Variants in BRME1 observed in about 807,000 individuals in gnomAD.
BRME1 encodes the protein break repair meiotic recombinase recruitment factor 1.
BRME1 carries 31 observed loss-of-function variants against 52.6 expected under a neutral mutation model. The observed-to-expected ratio is 0.59, with a 90% confidence interval of 0.44 to 0.80. BRME1 has a LOEUF of 0.80. Ranked by LOEUF, BRME1 falls within the 30% of genes least tolerant of loss-of-function variation. BRME1 has a pLI of 0.00. For synonymous variants in BRME1, 359 were observed against 353.6 expected, an observed-to-expected ratio of 1.02 and a Z score of -0.17; for missense variants, 804 against 860.3, an observed-to-expected ratio of 0.93 and a Z score of 0.82.
At chr19:13,894,563 T>C (rs990151569) in intron 3 of BRME1, among the ~76,000 whole-genome samples, 4 of 152,064 alleles carry the variant, frequency 2.6e-5, no homozygotes, top group African/African-American at 4.8e-5. Context: ...GTATATCGTT[T>C]TGTTTTGGCT....
At chr19:13,886,098 G>T in intron 6 of BRME1, 43 bp from the exon 7 acceptor site, 1 of 1,561,492 alleles carries the variant, frequency 6.4e-7, no homozygotes, top group Non-Finnish European at 8.8e-7. Context: ...GGCCTGGGTC[G>T]GGCAAGCTCT....
At position 13,883,354 on chromosome 19, in the gene BRME1, C is replaced by T. The variant is rs760462674; in HGVS notation, c.1810G>A (p.Ala604Thr). The change falls in exon 8 of 9, where the codon GCC becomes ACC. Residue 604 changes from alanine to threonine, a missense_variant. By Grantham distance (58) the Ala-to-Thr change is moderately conservative. Coordinates refer to ENST00000586783, the MANE Select transcript of BRME1 (RefSeq NM_001345843.2). The surrounding 1 kb of genome is among the most constrained non-coding windows in gnomAD (Gnocchi z 4.2). The stretch of plus-strand genomic sequence containing the variant: ...ATGAGGCCACGCACGACGTTGGTGG[C>T]ATCCTCCATCCTGGAGGCCTCAGAG... Reference protein sequence around the residue: ...QASEASRMEDATNVVRGLIVE... With the variant: ...QASEASRMEDTTNVVRGLIVE... 1 of 1,535,432 alleles carries T rather than the reference C, an allele frequency of 6.5e-7. No homozygotes were observed.
chr19:13,896,785 G>A (rs1181897398), intron 2 of BRME1, among the ~76,000 whole-genome samples: 1 of 151,532 alleles, frequency 6.6e-6, no homozygotes, highest in East Asian at 1.9e-4. Flanking sequence ...TGACCTCATA[G>A]GCTCAAGCCA....
rs779495894 is a variant in BRME1 at position 13,890,006 on chromosome 19, G to A, written c.850C>T (p.Pro284Ser). The A allele has an allele frequency of 1.2e-6, 2 of 1,613,208 alleles. No homozygotes were observed. The highest frequency in any genetic ancestry group is 1.3e-5 in the African/African-American group (1 of 75,074). Residue 284 changes from proline to serine, a missense_variant, in exon 6 of 9, where the codon CCT becomes TCT. Pro to Ser is a moderately conservative substitution (Grantham distance 74). This residue lies in a region of BRME1 where 552 missense variants were observed against 561.1 expected (regional missense o/e 0.98). Coordinates refer to ENST00000586783, the MANE Select transcript of BRME1 (RefSeq NM_001345843.2). Reference protein sequence around the residue: ...DGVPCTPASAPTSGPAPGLGP... With the variant: ...DGVPCTPASASTSGPAPGLGP... The stretch of plus-strand genomic sequence containing the variant: ...AGTCCTGGAGCAGGGCCTGAGGTAG[G>A]AGCTGATGCTGGGGTACAGGGGACA...
chr19:13,882,868 G>T lies in BRME1; in HGVS notation c.1941C>A (p.Pro647=), dbSNP rs757660155. The T allele has an allele frequency of 1.9e-6, 3 of 1,614,014 alleles. No individual in the cohort carries two copies. The highest frequency in any genetic ancestry group is 1.1e-5 in the South Asian group (1 of 91,078). ...YRKTKLGGKA[P]LPYPSKGPGN... is the part of the protein sequence containing the mutation. ...CAGGCCCCTTGGAAGGGTAAGGCAG[G>T]GGGGCTTTGCCTCCCAGCTTTGTCT... Residue 647 remains proline, a synonymous_variant, in exon 9 of 9, where the codon CCC becomes CCA. Transcript: ENST00000586783.
chr19:13,884,718 G>A (rs150696260), intron 7 of BRME1, among the ~76,000 whole-genome samples: 1 of 152,176 alleles, frequency 6.6e-6, no homozygotes, highest in Non-Finnish European at 1.5e-5. Context: ...GACACAGGCA[G>A]TACAGGTGGC....
intron 6 of BRME1, among the ~76,000 whole-genome samples, chr19:13,887,952 T>C (rs2145132724): frequency 6.6e-6 from 1 of 151,364 alleles, no homozygotes; most frequent in Middle Eastern, 3.4e-3. Context: ...CTTGAGAGAG[T>C]CTTGCTCTCT....
intron 2 of BRME1, among the ~76,000 whole-genome samples, chr19:13,903,806 G>A (rs1970459988): frequency 6.6e-6 from 1 of 152,096 alleles, no homozygotes; most frequent in South Asian, 2.1e-4. Flanking sequence ...ATTTACAAAA[G>A]GGGAAACTGT....
In BRME1 at chr19:13,890,066, C is replaced by T; in HGVS notation, c.790G>A (p.Gly264Ser). ...TCCTCCTGGGGCCCTCCAGGCAGGC[C>T]AGCCCCTGCTGTCCTTTGGGCCCCT... ...EGGAQRTAGA[G>S]LPGGPQEEGD... The change falls in exon 6 of 9, where the codon GGC (glycine) becomes AGC (serine). Residue 264 changes from glycine (G) to serine (S), a missense_variant. By Grantham distance (56) the Gly-to-Ser change is moderately conservative (BLOSUM62 0). This residue lies in a region of BRME1 where 552 missense variants were observed against 561.1 expected (regional missense o/e 0.98). Transcript: ENST00000586783. 1 of 1,613,718 alleles carries T rather than the reference C, an allele frequency of 6.2e-7. No homozygotes were observed. The highest frequency in any genetic ancestry group is 8.5e-7 in the Non-Finnish European group (1 of 1,179,874).
rs778468764 is a variant in BRME1, at chr19:13,889,397, C to T, written c.1459G>A (p.Glu487Lys). 6 of 1,614,092 alleles carry T rather than the reference C, an allele frequency of 3.7e-6. No individual in the cohort carries two copies. The Admixed American group carries it at 1.0e-4, about 27-fold the overall frequency. ...TCCTGGAGAGGGTCGTCTGCTATTT[C>T]TCTGTGTTCCAGCACAACAGAGGCT... is the stretch of plus-strand genomic sequence containing the variant. Reference protein sequence around the residue: ...PQASVVLEHREIADDPLQEPG... With the variant: ...PQASVVLEHRKIADDPLQEPG... The change falls in exon 6 of 9, where the codon GAA (glutamate) becomes AAA (lysine). Residue 487 changes from glutamate to lysine, a missense_variant. By Grantham distance (56) the Glu-to-Lys change is moderately conservative. Transcript: ENST00000586783.
At chr19:13,904,956 T>A in intron 1 of BRME1, 43 bp from the exon 2 acceptor site, 1 of 1,497,170 alleles carries the variant, frequency 6.7e-7, no homozygotes, top group Non-Finnish European at 9.3e-7. Context: ...GCAGTCTCTG[T>A]CTCTGTTTAT....
At position 13,889,479 on chromosome 19, in the gene BRME1, G is replaced by A. The variant is rs777317871; in HGVS notation, c.1377C>T (p.Ala459=). The A allele has an allele frequency of 9.9e-6, 16 of 1,613,904 alleles. No homozygotes were observed. The highest frequency in any genetic ancestry group is 1.3e-5 in the African/African-American group (1 of 75,046). The part of the protein sequence containing the change: ...KQEPGPAQEE[A]ELGGQNLERD... Reference sequence around the variant, plus strand: ...GTTCGAGGTTCTGGCCACCTAACTCGGCTTCCTCTTGAGCAGGACCTGGCT... The same window carrying A: ...GTTCGAGGTTCTGGCCACCTAACTCAGCTTCCTCTTGAGCAGGACCTGGCT... Residue 459 remains alanine (A), a synonymous_variant, in exon 6 of 9, where the codon GCC becomes GCT. Coordinates refer to ENST00000586783, the MANE Select transcript of BRME1 (RefSeq NM_001345843.2).
chr19:13,883,082 C>T lies in BRME1; in HGVS notation c.1857-130G>A. ...CACGGCTCACACACGTGCACATAACCAGAAAGGGCCTGTTGTAGCACAGGC... is the reference window on the plus strand; with the variant it reads ...CACGGCTCACACACGTGCACATAACTAGAAAGGGCCTGTTGTAGCACAGGC... On this transcript the variant is annotated intron_variant, in intron 8 of 8. Coordinates refer to ENST00000586783, the MANE Select transcript of BRME1 (RefSeq NM_001345843.2). The surrounding 1 kb of genome is among the most constrained non-coding windows in gnomAD (Gnocchi z 4.2). 1 of 1,197,324 alleles carries T rather than the reference C, an allele frequency of 8.4e-7. No individual in the cohort carries two copies. The highest frequency in any genetic ancestry group is 1.2e-6 in the Non-Finnish European group (1 of 859,592). 74.2% of individuals were successfully genotyped at this position (1,197,324 alleles called of 1,614,324 possible). A position where few individuals can be genotyped will look rare whatever the true frequency, so the allele number is the denominator to read the frequency against.
chr19:13,896,637 T>A (rs1321232863), intron 2 of BRME1, among the ~76,000 whole-genome samples: 1 of 147,332 alleles, frequency 6.8e-6, no homozygotes, highest in East Asian at 1.9e-4. Flanking sequence ...CATACATATG[T>A]ATTTATACAT....
In BRME1 at chr19:13,883,345, C is replaced by T. The variant is rs551004785; in HGVS notation, c.1819G>A (p.Val607Ile). ...EASRMEDATN[V>I]VRGLIVELSN... Reference sequence around the variant, plus strand: ...AGCTCAACGATGAGGCCACGCACGACGTTGGTGGCATCCTCCATCCTGGAG... The same window carrying T: ...AGCTCAACGATGAGGCCACGCACGATGTTGGTGGCATCCTCCATCCTGGAG... Residue 607 changes from valine to isoleucine, a missense_variant, in exon 8 of 9, where the codon GTC becomes ATC. Physicochemically the swap from Val to Ile is conservative, Grantham distance 29. Coordinates refer to ENST00000586783, the MANE Select transcript of BRME1 (RefSeq NM_001345843.2). This position sits in a 1 kb window ranked among gnomAD's most constrained non-coding sequence, Gnocchi z 4.2. 4,140 of 1,535,358 alleles carry T rather than the reference C, an allele frequency of 2.7e-3. 9 individuals carry two copies. The highest frequency in any genetic ancestry group is 3.2e-3 in the Non-Finnish European group (3,697 of 1,146,288).
intron 2 of BRME1, among the ~76,000 whole-genome samples, chr19:13,899,446 C>T (rs1343352656): frequency 1.3e-5 from 2 of 152,066 alleles, no homozygotes; most frequent in East Asian, 3.9e-4. Context: ...CCATGGCGCA[C>T]GGTAAGTTGC....
chr19:13,891,135 T>TTTTTTTTATTATTATTA (rs59151567), intron 5 of BRME1, among the ~76,000 whole-genome samples: 11 of 146,668 alleles, frequency 7.5e-5, no homozygotes, highest in African/African-American at 2.8e-4. Flanking sequence ...CAATTTCCTG[T>TTTTTTTTATTATTATTA]TTATTATTAT....
intron 2 of BRME1, among the ~76,000 whole-genome samples, chr19:13,896,678 T>C (rs1969922946): frequency 1.3e-5 from 2 of 148,756 alleles, no homozygotes; most frequent in African/African-American, 4.9e-5. Flanking sequence ...TTATGTATTA[T>C]ATATACTATA....
rs2145095193 is a variant in BRME1, at chr19:13,882,931, G to A, written c.1878C>T (p.His626=). Residue 626 remains histidine (H), a synonymous_variant, in exon 9 of 9, where the codon CAC becomes CAT. Transcript: ENST00000586783. ...GGCGCTTGAAAGCTTCCAGGTCCCGGTGGGTGCCCATGATCAGCCGGCTGT... is the reference window on the plus strand; with the variant it reads ...GGCGCTTGAAAGCTTCCAGGTCCCGATGGGTGCCCATGATCAGCCGGCTGT... ...SNLNRLIMGT[H]RDLEAFKRLN... The A allele has an allele frequency of 6.2e-7, 1 of 1,613,554 alleles. No homozygotes were observed. The highest frequency in any genetic ancestry group is 1.1e-5 in the South Asian group (1 of 91,050).
Sources: allele counts gnomAD v4.1 joint callset (sites outside exome capture counted in the v4.1 genomes callset), GRCh38; gene constraint gnomAD v4.1.1; regional missense constraint gnomAD v4.1.1; non-coding constraint Gnocchi (gnomAD v3.1); transcripts MANE v1.5; gene names NCBI Gene and HGNC (gene_info 2026-07-23, HGNC 2026-07-21).